The following IMPG2 variants were observed in gnomAD, a reference collection of about 807,000 sequenced individuals.
IMPG2 encodes the protein IPM 200.
In IMPG2, 91 loss-of-function variants were observed where a neutral mutation model predicts 129.2. The observed-to-expected ratio is 0.70, with a 90% CI of 0.59 to 0.84. IMPG2 has a LOEUF of 0.84. IMPG2 is among the 40% of genes least tolerant of loss of function. The pLI is 0.00. For missense variants in IMPG2, 1,430 were observed against 1,461.7 expected (o/e 0.98, Z 0.35); for synonymous variants, 510 against 517.7 (o/e 0.99, Z 0.20).
At chr3:101,248,468 C>G (rs1273528919) in intron 11 of IMPG2, among the ~76,000 whole-genome samples, 1 of 152,166 alleles carries the variant, frequency 6.6e-6, no homozygotes, top group Admixed American at 6.5e-5. Flanking sequence ...GATTAATACA[C>G]AAGGCCTAAT....
intron 6 of IMPG2, among the ~76,000 whole-genome samples, chr3:101,274,145 ATCCACTGCAC>A (rs1410558111): frequency 6.6e-6 from 1 of 152,140 alleles, no homozygotes; most frequent in Non-Finnish European, 1.5e-5. Flanking sequence ...GTGAGCCAAG[ATCCACTGCAC>A]TCCAGCCTGG....
chr3:101,271,633 C>A (rs1359589606), intron 7 of IMPG2, among the ~76,000 whole-genome samples: 47 of 152,190 alleles, frequency 3.1e-4, no homozygotes, highest in Non-Finnish European at 1.3e-4. Context: ...AATCCCAGAT[C>A]TCTCTAACAC....
At position 101,231,069 on chromosome 3, in the gene IMPG2, T is replaced by G; in HGVS notation, c.3310A>C (p.Ile1104Leu). 1 of 1,614,164 alleles carries G rather than the reference T, an allele frequency of 6.2e-7. No homozygotes were observed. Among genetic ancestry groups the G allele is most frequent in the Non-Finnish European group, 8.5e-7 (1 of 1,180,012 alleles). The change falls in exon 16 of 19, where the codon ATC becomes CTC. Residue 1104 changes from isoleucine to leucine, a missense_variant. Ile to Leu is a conservative substitution (Grantham distance 5, BLOSUM62 2). Transcript: ENST00000193391. ...EFVSEPVIIG[I>L]TIASVVGLLV... Reference sequence around the variant, plus strand: ...AGTCCAACCACGGAGGCAATAGTGATGCCTATGATCACGGGCTCAGACACA... The same window carrying G: ...AGTCCAACCACGGAGGCAATAGTGAGGCCTATGATCACGGGCTCAGACACA...
chr3:101,290,273 G>A (rs890692979), intron 4 of IMPG2, among the ~76,000 whole-genome samples: 1 of 152,130 alleles, frequency 6.6e-6, no homozygotes, highest in East Asian at 1.9e-4. Context: ...TTGGGAGGCT[G>A]AGGCGGGCCA....
intron 8 of IMPG2, 53 bp from the exon 9 acceptor site, chr3:101,267,584 CACATCATTCA>C: frequency 7.1e-7 from 1 of 1,408,612 alleles, no homozygotes; most frequent in Non-Finnish European, 1.0e-6. Flanking sequence ...TTATTATTGT[CACATCATTCA>C]TCAAAGTGCA....
intron 11 of IMPG2, among the ~76,000 whole-genome samples, chr3:101,249,892 G>A (rs991864923): frequency 2.0e-5 from 3 of 151,768 alleles, no homozygotes; most frequent in Non-Finnish European, 4.4e-5. Context: ...GTAAGACTCT[G>A]TCTCTACGAA....
chr3:101,286,638 C>T (rs1219289843), intron 4 of IMPG2, among the ~76,000 whole-genome samples: 1 of 152,160 alleles, frequency 6.6e-6, no homozygotes, highest in Admixed American at 6.6e-5. Flanking sequence ...ATATATGCCT[C>T]GCATTACCAG....
Position 101,244,138 on chromosome 3 carries a change from G to A in IMPG2, c.2193C>T (p.Ala731=), listed in dbSNP as rs751092236. 1 of 1,613,962 alleles carries A rather than the reference G, an allele frequency of 6.2e-7. No individual in the cohort carries two copies. Among genetic ancestry groups the A allele is most frequent in the African/African-American group, 1.3e-5 (1 of 74,922 alleles). Residue 731 remains alanine (A), a synonymous_variant, in exon 13 of 19, where the codon GCC becomes GCT. Transcript: ENST00000193391. The part of the protein sequence containing the change: ...PLILTSVAIS[A]STDKSDQADA... Reference sequence around the variant, plus strand: ...CTGCCTGATCTGATTTATCAGTAGAGGCAGAGATTGCTACAGATGTCAGTA... The same window carrying A: ...CTGCCTGATCTGATTTATCAGTAGAAGCAGAGATTGCTACAGATGTCAGTA...
intron 8 of IMPG2, among the ~76,000 whole-genome samples, chr3:101,268,216 T>C (rs1008545086): frequency 6.6e-6 from 1 of 152,214 alleles, no homozygotes; most frequent in African/African-American, 2.4e-5. Context: ...AGTTAAATCC[T>C]GGAAATACAC....
At chr3:101,232,421 A>G (rs1013232036) in intron 15 of IMPG2, among the ~76,000 whole-genome samples, 7 of 152,034 alleles carry the variant, frequency 4.6e-5, no homozygotes, top group Non-Finnish European at 2.9e-5. Context: ...TATTTTTAGT[A>G]GAGATGGGGT....
intron 14 of IMPG2, among the ~76,000 whole-genome samples, chr3:101,241,627 T>C (rs984153357): frequency 6.6e-6 from 1 of 152,070 alleles, no homozygotes; most frequent in African/African-American, 2.4e-5. Context: ...GTCGTACCAA[T>C]GGAGATAGAG....
intron 11 of IMPG2, 142 bp downstream of exon 11, chr3:101,253,554 A>G (rs1451685273): frequency 1.4e-6 from 1 of 692,614 alleles, no homozygotes; most frequent in East Asian, 2.7e-5. Context: ...GCTGACAGCT[A>G]TGAGTAATGG....
intron 14 of IMPG2, among the ~76,000 whole-genome samples, chr3:101,234,540 A>G (rs189491126): frequency 1.4e-3 from 218 of 152,348 alleles, no homozygotes; most frequent in Non-Finnish European, 2.7e-3. Flanking sequence ...CAAGATGCTC[A>G]CATAACAGGA....
rs112773423 is a variant in IMPG2 at position 101,263,345 on chromosome 3, T to C, written c.908+4166A>G. Among the ~76,000 whole-genome samples, 405 of 152,072 alleles carry C rather than the reference T, an allele frequency of 2.7e-3. 5 individuals are homozygous for C. The highest frequency in any genetic ancestry group is 9.2e-3 in the African/African-American group (380 of 41,516). ...TCTCAAAAAATTTTTTTATCAAAATTATATCAAGTATCTTACCTGACCACA... is the reference window on the plus strand; with the variant it reads ...TCTCAAAAAATTTTTTTATCAAAATCATATCAAGTATCTTACCTGACCACA... On this transcript the variant is annotated intron_variant, in intron 9 of 18. Transcript: ENST00000193391.
chr3:101,274,657 G>GA (rs1467906351), intron 6 of IMPG2, among the ~76,000 whole-genome samples: 1 of 152,030 alleles, frequency 6.6e-6, no homozygotes, highest in Non-Finnish European at 1.5e-5. Flanking sequence ...CTCTGTTTTG[G>GA]ATATTAACGT....
intron 2 of IMPG2, among the ~76,000 whole-genome samples, chr3:101,317,343 G>A (rs2058790092): frequency 6.6e-6 from 1 of 152,000 alleles, no homozygotes; most frequent in Non-Finnish European, 1.5e-5. Context: ...AAAACATTAG[G>A]TTAAATATAG....
chr3:101,247,602 T>TA (rs11315012), intron 11 of IMPG2, among the ~76,000 whole-genome samples: 9 of 149,472 alleles, frequency 6.0e-5, no homozygotes, highest in South Asian at 2.1e-4. Flanking sequence ...CGTCTCAAAA[T>TA]AAAAAAAAAA....
chr3:101,253,595 T>C, intron 11 of IMPG2, 101 bp downstream of exon 11: 1 of 800,836 alleles, frequency 1.2e-6, no homozygotes, highest in South Asian at 1.5e-5. Flanking sequence ...ATAATTGAAA[T>C]GAGAACAGCT....
In IMPG2 at chr3:101,296,755, G is replaced by C. The variant is rs538014508; in HGVS notation, c.502-5245C>G. ...TGCCTCAATTTCAGAACCTGTTATTGGTCTATTCAGGGATTCTGAATCCAT... is the reference window on the plus strand; with the variant it reads ...TGCCTCAATTTCAGAACCTGTTATTCGTCTATTCAGGGATTCTGAATCCAT... On this transcript the variant is annotated intron_variant, in intron 3 of 18. Transcript: ENST00000193391. 5.9e-4 allele frequency among the ~76,000 whole-genome samples: 90 copies of C among 151,890 alleles called. 1 individual carries two copies. The highest frequency in any genetic ancestry group is 4.4e-5 in the Non-Finnish European group (3 of 67,960).
Sources: allele counts gnomAD v4.1 joint callset (sites outside exome capture counted in the v4.1 genomes callset), GRCh38; gene constraint gnomAD v4.1.1; transcripts MANE v1.5; gene names NCBI Gene and HGNC (gene_info 2026-07-23, HGNC 2026-07-21).